The following TNS1 variants were observed in gnomAD, a reference collection of about 807,000 sequenced individuals.
TNS1 encodes tensin-1.
Under a neutral mutation model 168.6 loss-of-function variants are expected in TNS1, and 62 were observed. The observed-to-expected ratio is 0.37, with a 90% CI of 0.30 to 0.45. The LOEUF is 0.45. Ranked by LOEUF, TNS1 falls within the 20% of genes least tolerant of loss-of-function variation. The probability of loss-of-function intolerance (pLI) is 1.00; values close to 1 mark genes in which losing one functional copy is unlikely to be tolerated. For missense variants in TNS1, 2,240 were observed against 2,339.4 expected (o/e 0.96, Z 0.88); for synonymous variants, 934 against 933.2 (o/e 1.00, Z -0.02).
intron 3 of TNS1, among the ~76,000 whole-genome samples, chr2:217,950,721 C>CCT (rs1228473735): frequency 6.6e-6 from 1 of 150,680 alleles, no homozygotes; most frequent in African/African-American, 2.4e-5. Flanking sequence ...AAGTCTGGTT[C>CCT]CTCTCTCTCT....
intron 18 of TNS1, chr2:217,850,582 G>C (rs867435841): frequency 2.0e-5 from 17 of 869,336 alleles, no homozygotes; most frequent in Admixed American, 1.4e-4. Context: ...AGCCCCGACA[G>C]ACACACACAC....
At chr2:217,902,863 C>G (rs557447121) in intron 6 of TNS1, among the ~76,000 whole-genome samples, 1 of 152,298 alleles carries the variant, frequency 6.6e-6, no homozygotes, top group African/African-American at 2.4e-5. Context: ...TTCCTGTTTT[C>G]TGCAAAGTTT....
At chr2:217,998,836 G>C (rs1048607019) in intron 1 of TNS1, among the ~76,000 whole-genome samples, 1 of 152,052 alleles carries the variant, frequency 6.6e-6, no homozygotes, top group Non-Finnish European at 1.5e-5. Flanking sequence ...TTCACCTCCC[G>C]AGGAGTCTTT....
At chr2:217,834,701 G>A (rs1039646103) in intron 21 of TNS1, among the ~76,000 whole-genome samples, 3 of 152,156 alleles carry the variant, frequency 2.0e-5, no homozygotes, top group African/African-American at 4.8e-5. Flanking sequence ...GTGTCTGGAT[G>A]CAGGCAGAAA....
At chr2:217,910,273 TTCAGATGCC>T (rs748039985) in intron 4 of TNS1, among the ~76,000 whole-genome samples, 22 of 151,562 alleles carry the variant, frequency 1.5e-4, no homozygotes, top group African/African-American at 1.9e-4. Context: ...CTTGCCAGAG[TTCAGATGCC>T]TTCAGCTTAC....
intron 1 of TNS1, among the ~76,000 whole-genome samples, chr2:218,019,939 C>T (rs1374582516): frequency 6.6e-6 from 1 of 152,116 alleles, no homozygotes; most frequent in Non-Finnish European, 1.5e-5. Flanking sequence ...CGCTCCCCCA[C>T]TCCCCGGCTG....
chr2:217,935,451 C>T (rs1400597534), intron 3 of TNS1, among the ~76,000 whole-genome samples: 2 of 152,310 alleles, frequency 1.3e-5, no homozygotes, highest in Admixed American at 6.5e-5. Flanking sequence ...CCACCCCTCA[C>T]CCTGGCTCGC....
chr2:217,989,476 G>A (rs773472013), intron 2 of TNS1, among the ~76,000 whole-genome samples: 23 of 152,126 alleles, frequency 1.5e-4, no homozygotes, highest in Admixed American at 1.1e-3. Context: ...TTGGTGGGAC[G>A]TGGGGGTGAA....
Position 217,817,901 on chromosome 2 carries a change from G to A in TNS1, c.4431C>T (p.Asp1477=). The A allele has an allele frequency of 1.2e-6, 2 of 1,613,996 alleles. No individual in the cohort carries two copies. The highest frequency in any genetic ancestry group is 1.3e-5 in the African/African-American group (1 of 75,068). The part of the protein sequence containing the change: ...LSSPATSPSP[D]SAAFRQGSPT... Reference sequence around the variant, plus strand: ...GGCTCCCTTGCCGGAAGGCTGCGGAGTCTGGTGACGGGGAGGTGGCAGGGC... The same window carrying A: ...GGCTCCCTTGCCGGAAGGCTGCGGAATCTGGTGACGGGGAGGTGGCAGGGC... The change falls in exon 24 of 33, where the codon GAC becomes GAT. Residue 1477 remains aspartate (D), a synonymous_variant. Coordinates refer to ENST00000682258, the MANE Select transcript of TNS1 (RefSeq NM_001387777.1).
intron 3 of TNS1, among the ~76,000 whole-genome samples, chr2:217,943,015 A>C (rs1333512720): frequency 2.0e-5 from 3 of 152,016 alleles, no homozygotes; most frequent in Admixed American, 2.0e-4. Flanking sequence ...TCAGCTCTGT[A>C]TGGATTCTCC....
intron 15 of TNS1, 47 bp downstream of exon 15, chr2:217,885,697 A>C (rs535838298): frequency 1.3e-6 from 2 of 1,573,154 alleles, no homozygotes; most frequent in Admixed American, 1.7e-5. Context: ...AAAAGAAGGG[A>C]GAGAAAATAA....
intron 3 of TNS1, among the ~76,000 whole-genome samples, chr2:217,961,224 C>CTT: frequency 7.8e-6 from 1 of 127,554 alleles, no homozygotes; most frequent in South Asian, 2.3e-4. Flanking sequence ...GGGTGTCTCT[C>CTT]TCTCTCTCTC....
chr2:217,818,901 A>C, intron 23 of TNS1, 142 bp from the exon 24 acceptor site: 1 of 682,826 alleles, frequency 1.5e-6, no homozygotes. Flanking sequence ...TCAGGGTTTT[A>C]TACGTTACCT....
rs143428830 is a variant in TNS1, at chr2:217,804,473, C to T, written c.5506G>A (p.Gly1836Ser). ...NFVSKVMLNAGQKR is the reference protein window; with the variant it reads ...NFVSKVMLNASQKR ...AGGGGCAGGGTTCATCTCTTTTGGC[C>T]GGCATTCAGCATGACCTTGGAGACG... The change falls in exon 33 of 33, where the codon GGC (glycine) becomes AGC (serine). Residue 1836 changes from glycine to serine, a missense_variant. By Grantham distance (56) the Gly-to-Ser change is moderately conservative. Coordinates refer to ENST00000682258, the MANE Select transcript of TNS1 (RefSeq NM_001387777.1). 144 of 1,614,080 alleles carry T rather than the reference C, an allele frequency of 8.9e-5. No homozygotes were observed. The African/African-American group carries it at 1.6e-3, about 17-fold the overall frequency.
Position 217,978,773 on chromosome 2 carries a change from G to A in TNS1, c.178C>T (p.Gln60Ter), listed in dbSNP as rs997346189. The change falls in exon 3 of 33, where the codon CAG becomes TAG. Residue 60 changes from glutamine (Q) to a stop codon, truncating the protein, a stop_gained. Transcript: ENST00000682258. LOFTEE classifies it high-confidence loss of function. ...VCSFSCHRKCQAKVAAPCVPP... is the reference protein window; with the variant it reads ...VCSFSCHRKC ...AGCCCGCGGCCCCTTACCTTGGCCT[G>A]GCATTTCCGATGACAGGAGAAGCTG... 3 of 702,180 alleles carry A rather than the reference G, an allele frequency of 4.3e-6. No individual in the cohort carries two copies. The African/African-American group carries it at 5.2e-5, about 12-fold the overall frequency. 43.5% of individuals were successfully genotyped at this position (702,180 alleles called of 1,614,324 possible).
upstream of TNS1, among the ~76,000 whole-genome samples, chr2:218,006,114 C>A (rs575380739): frequency 7.9e-5 from 12 of 152,334 alleles, no homozygotes; most frequent in African/African-American, 2.6e-4. Flanking sequence ...ATGCGGAGAC[C>A]TCCCTCCGCT....
In TNS1 at chr2:217,847,589, C is replaced by T. The variant is rs905269199; in HGVS notation, c.2928G>A (p.Lys976=). 3 of 1,519,488 alleles carry T rather than the reference C, an allele frequency of 2.0e-6. No individual in the cohort carries two copies. The African/African-American group carries it at 4.1e-5, about 21-fold the overall frequency. The allele number at this position is 1,519,488 out of a possible 1,614,324, so 94.1% of individuals were successfully genotyped here. Residue 976 remains lysine, a synonymous_variant, in exon 19 of 33, where the codon AAG becomes AAA. Transcript: ENST00000682258. The part of the protein sequence containing the change: ...GLTAQPLLSP[K]EATSDPSRTP... ...TCCGGGAGGGGTCTGAAGTCGCTTC[C>T]TTTGGTGAGAGCAGAGGCTGAGCAG...
chr2:217,954,673 G>A (rs3791893), intron 3 of TNS1, among the ~76,000 whole-genome samples: 36,669 of 151,982 alleles, frequency 0.24, 6,791 homozygotes, highest in African/African-American at 0.52. Flanking sequence ...TGCCAAGGAG[G>A]GTGGCGCAGA....
chr2:217,934,308 G>A (rs1289326839), intron 3 of TNS1, among the ~76,000 whole-genome samples: 1 of 152,190 alleles, frequency 6.6e-6, no homozygotes, highest in East Asian at 1.9e-4. Context: ...GAGGGGATGA[G>A]GTGTGGCACC....
Sources: allele counts gnomAD v4.1 joint callset (sites outside exome capture counted in the v4.1 genomes callset), GRCh38; gene constraint gnomAD v4.1.1; transcripts MANE v1.5; gene names NCBI Gene and HGNC (gene_info 2026-07-23, HGNC 2026-07-21).